EPHA2: variants seen among roughly 807,000 people sequenced by gnomAD.
The protein encoded by EPHA2 is EPH receptor A2, also known as ephrin type-A receptor 2.
In EPHA2, 54 loss-of-function variants were observed where a neutral mutation model predicts 104.9. That is an observed-to-expected ratio of 0.51 (90% CI 0.41 to 0.65). The LOEUF (loss-of-function observed/expected upper bound fraction) is 0.65. EPHA2 is among the 30% of genes least tolerant of loss of function. The pLI is 0.00. For synonymous variants in EPHA2, 560 were observed against 559.1 expected (o/e 1.00, Z -0.02); for missense variants, 1,117 against 1,369.5 (o/e 0.82, Z 2.91).
intron 2 of EPHA2, among the ~76,000 whole-genome samples, chr1:16,149,296 C>A (rs2024994221): frequency 6.6e-6 from 1 of 152,102 alleles, no homozygotes; most frequent in African/African-American, 2.4e-5. Context: ...CAGGTGGAGT[C>A]CGGGACTCCA....
Position 16,148,496 on chromosome 1 carries a change from C to T in EPHA2, c.705G>A (p.Val235=). The change falls in exon 3 of 17, where the codon GTG becomes GTA. Residue 235 remains valine, a synonymous_variant. Coordinates refer to ENST00000358432, the MANE Select transcript of EPHA2 (RefSeq NM_004431.5). This position sits in a 1 kb window ranked among gnomAD's most constrained non-coding sequence, Gnocchi z 4.9. ...GGGGCTCTTCACCCCCCGGTGGCAC[C>T]ACGGCATGGTCCACACAGGTGCCGG... ...TVAGTCVDHA[V]VPPGGEEPRM... is the part of the protein sequence containing the mutation. 6.2e-7 allele frequency: 1 copy of T among 1,613,818 alleles called. No individual in the cohort carries two copies. Among genetic ancestry groups the T allele is most frequent in the Non-Finnish European group, 8.5e-7 (1 of 1,180,020 alleles).
Position 16,139,770 on chromosome 1 carries a change from G to A in EPHA2, c.824-1340C>T, listed in dbSNP as rs560343000. On this transcript the variant is annotated intron_variant, in intron 3 of 16. Transcript: ENST00000358432. ...TTTGTGGGCACAAATGTGGGGAGCA[G>A]CAAGCAATAAAACAGTTGAGAAAGG... Among the ~76,000 whole-genome samples, 92 of 152,208 alleles carry A rather than the reference G, an allele frequency of 6.0e-4. 1 individual carries two copies. The highest frequency in any genetic ancestry group is 1.0e-3 in the Non-Finnish European group (70 of 68,044).
In EPHA2 at chr1:16,130,611, C is replaced by T. The variant is rs962749792; in HGVS notation, c.2476-192G>A. Among the ~76,000 whole-genome samples the T allele has an allele frequency of 6.6e-6, 1 of 151,934 alleles. No homozygotes were observed. Among genetic ancestry groups the T allele is most frequent in the Non-Finnish European group, 1.5e-5 (1 of 67,986 alleles). On this transcript the variant is annotated intron_variant, in intron 14 of 16. Transcript: ENST00000358432. This position sits in a 1 kb window ranked among gnomAD's most constrained non-coding sequence, Gnocchi z 4.5. The stretch of plus-strand genomic sequence containing the variant: ...AGGGCAAATGCCTAAGGGTCTGTGT[C>T]CAGAGTTCACTGGAAGGGACTTTTT...
chr1:16,155,795 C>G, intron 1 of EPHA2, 53 bp downstream of exon 1: 1 of 1,313,460 alleles, frequency 7.6e-7, no homozygotes, highest in South Asian at 1.8e-5. Flanking sequence ...GCGCCGGGCT[C>G]TAGGGGGCAC....
chr1:16,150,330 C>T lies in EPHA2; in HGVS notation c.153+566G>A, dbSNP rs1442322213. ...CACACACAGCCAGGGGAAGAACCCC[C>T]AGCCCCTGCCCCCATTCCTGGTCAC... On this transcript the variant is annotated intron_variant, in intron 2 of 16. Coordinates refer to ENST00000358432, the MANE Select transcript of EPHA2 (RefSeq NM_004431.5). This position sits in a 1 kb window ranked among gnomAD's most constrained non-coding sequence, Gnocchi z 4.8. Among the ~76,000 whole-genome samples, 3 of 152,200 alleles carry T rather than the reference C, an allele frequency of 2.0e-5. No homozygotes were observed. Among genetic ancestry groups the T allele is most frequent in the Non-Finnish European group, 4.4e-5 (3 of 68,032 alleles).
At chr1:16,154,372 CTG>C (rs1358483421) in intron 1 of EPHA2, among the ~76,000 whole-genome samples, 2 of 152,182 alleles carry the variant, frequency 1.3e-5, no homozygotes, top group Non-Finnish European at 2.9e-5. Flanking sequence ...CCCCCAACAC[CTG>C]CCACTGCCCA....
At chr1:16,139,288 C>T (rs1053643114) in intron 3 of EPHA2, among the ~76,000 whole-genome samples, 1 of 152,182 alleles carries the variant, frequency 6.6e-6, no homozygotes. Context: ...GCAGGGCTGT[C>T]CAGGGCTTGG....
chr1:16,125,118 T>C lies in EPHA2; in HGVS notation c.*97A>G. 1 of 1,151,460 alleles carries C rather than the reference T, an allele frequency of 8.7e-7. No homozygotes were observed. The highest frequency in any genetic ancestry group is 1.3e-6 in the Non-Finnish European group (1 of 781,458). The allele number at this position is 1,151,460 out of a possible 1,614,324, so 71.3% of individuals were successfully genotyped here. ...TGCAGGGGGAGGAAAGAACTAGAAA[T>C]AAATAAAGTCCCCAGTGGCCCAGCA... On this transcript the variant is annotated 3_prime_UTR_variant, in exon 17 of 17. Transcript: ENST00000358432. This position sits in a 1 kb window ranked among gnomAD's most constrained non-coding sequence, Gnocchi z 4.9.
At position 16,149,001 on chromosome 1, in the gene EPHA2, T is replaced by C. The variant is rs1384432469; in HGVS notation, c.200A>G (p.Tyr67Cys). The change falls in exon 3 of 17, where the codon TAC becomes TGC. Residue 67 changes from tyrosine (Y) to cysteine (C), a missense_variant. Physicochemically the swap from Tyr to Cys is radical, Grantham distance 194. Around this residue, in one of 3 missense-constraint regions of EPHA2, gnomAD observed 664 missense variants for 784.8 expected, o/e 0.85. Transcript: ENST00000358432. ...NIMNDMPIYMYSVCNVMSGDQ... is the reference protein window; with the variant it reads ...NIMNDMPIYMCSVCNVMSGDQ... Reference sequence around the variant, plus strand: ...GCCAGACATCACGTTGCACACGGAGTACATGTAGATCGGCATGTCATTCAT... The same window carrying C: ...GCCAGACATCACGTTGCACACGGAGCACATGTAGATCGGCATGTCATTCAT... 1 of 1,613,894 alleles carries C rather than the reference T, an allele frequency of 6.2e-7. No homozygotes were observed. Among genetic ancestry groups the C allele is most frequent in the Admixed American group, 1.7e-5 (1 of 60,010 alleles).
At chr1:16,153,244 ACTCCCGGTCTCCGGTCCTT>A in intron 1 of EPHA2, 1 of 984,412 alleles carries the variant, frequency 1.0e-6, no homozygotes, top group Non-Finnish European at 1.2e-6. Context: ...ACTGCCACCC[ACTCCCGGTCTCCGGTCCTT>A]CTCCGCAGCC....
In EPHA2 at chr1:16,148,580, G is replaced by A. The variant is rs2024977473; in HGVS notation, c.621C>T (p.Gly207=). The change falls in exon 3 of 17, where the codon GGC becomes GGT. Residue 207 remains glycine, a synonymous_variant. Coordinates refer to ENST00000358432, the MANE Select transcript of EPHA2 (RefSeq NM_004431.5). This position sits in a 1 kb window ranked among gnomAD's most constrained non-coding sequence, Gnocchi z 4.9. ...CGATGGTCTCAGGGAAGTGGGCCAG[G>A]CCCTGCAGCAGCTCGGGGCACTTCT... ...YYKKCPELLQ[G]LAHFPETIAG... The A allele has an allele frequency of 1.2e-6, 2 of 1,611,540 alleles. No individual in the cohort carries two copies. Among genetic ancestry groups the A allele is most frequent in the South Asian group, 1.1e-5 (1 of 91,086 alleles).
intron 2 of EPHA2, among the ~76,000 whole-genome samples, chr1:16,149,675 G>T (rs898151994): frequency 6.6e-6 from 1 of 152,158 alleles, no homozygotes; most frequent in African/African-American, 2.4e-5. Flanking sequence ...GTTGGGCCAG[G>T]TGCCCCCCGC....
chr1:16,133,549 T>G lies in EPHA2; in HGVS notation c.1796A>C (p.Gln599Pro). Residue 599 changes from glutamine (Q) to proline (P), a missense_variant, in exon 10 of 17, where the codon CAG becomes CCG. By Grantham distance (76) the Gln-to-Pro change is moderately conservative. Around this residue, in one of 3 missense-constraint regions of EPHA2, gnomAD observed 113 missense variants for 104.3 expected, o/e 1.08. Coordinates refer to ENST00000358432, the MANE Select transcript of EPHA2 (RefSeq NM_004431.5). The part of the protein sequence containing the change: ...VDPHTYEDPN[Q>P]AVLKFTTEIH... ...CTCGGTAGTGAACTTCAACACAGCC[T>G]GGTTGGGGTCCTCATATGTGTGGGG... 6.2e-7 allele frequency: 1 copy of G among 1,614,004 alleles called. No individual in the cohort carries two copies. The highest frequency in any genetic ancestry group is 8.5e-7 in the Non-Finnish European group (1 of 1,179,934).
chr1:16,133,340 C>T lies in EPHA2; in HGVS notation c.1893G>A (p.Met631Ile), dbSNP rs1195809981. 2 of 1,613,868 alleles carry T rather than the reference C, an allele frequency of 1.2e-6. No individual in the cohort carries two copies. The highest frequency in any genetic ancestry group is 8.5e-7 in the Non-Finnish European group (1 of 1,179,964). The change falls in exon 11 of 17, where the codon ATG becomes ATA. Residue 631 changes from methionine to isoleucine, a missense_variant. Physicochemically the swap from Met to Ile is conservative, Grantham distance 10. Transcript: ENST00000358432. Reference sequence around the variant, plus strand: ...CCTTCTTCCCCGAGGATGTCTTCAGCATGCCCTTGTACACCTCCCCAAACT... The same window carrying T: ...CCTTCTTCCCCGAGGATGTCTTCAGTATGCCCTTGTACACCTCCCCAAACT... ...AGEFGEVYKG[M>I]LKTSSGKKEV...
intron 9 of EPHA2, 38 bp downstream of exon 9, chr1:16,133,822 C>A (rs755074344): frequency 1.3e-6 from 2 of 1,526,186 alleles, no homozygotes; most frequent in South Asian, 1.2e-5. Context: ...GGGGACGGTG[C>A]GGGCAGGGCT....
intron 3 of EPHA2, among the ~76,000 whole-genome samples, chr1:16,146,644 G>A (rs960821954): frequency 3.3e-5 from 5 of 152,238 alleles, no homozygotes; most frequent in Non-Finnish European, 7.3e-5. Context: ...GGAAGACAAG[G>A]GGGCGATGGC....
In EPHA2 at chr1:16,138,141, C is replaced by T. The variant is rs2024754135; in HGVS notation, c.1024G>A (p.Ala342Thr). 4 of 1,608,934 alleles carry T rather than the reference C, an allele frequency of 2.5e-6. No individual in the cohort carries two copies. Among genetic ancestry groups the T allele is most frequent in the Non-Finnish European group, 3.4e-6 (4 of 1,179,872 alleles). Residue 342 changes from alanine (A) to threonine (T), a missense_variant, in exon 5 of 17, where the codon GCC (alanine) becomes ACC (threonine). Coordinates refer to ENST00000358432, the MANE Select transcript of EPHA2 (RefSeq NM_004431.5). The stretch of plus-strand genomic sequence containing the variant: ...GGCGTCCAGCGCAGCTCCACCTTGG[C>T]ACCCATGCCCACGGCTGTGAGGTAG... ...PHYLTAVGMG[A>T]KVELRWTPPQ...
rs1421773662 is a variant in EPHA2 at position 16,135,220 on chromosome 1, C to T, written c.1429-31G>A. 1 of 1,612,592 alleles carries T rather than the reference C, an allele frequency of 6.2e-7. No individual in the cohort carries two copies. Among genetic ancestry groups the T allele is most frequent in the East Asian group, 2.2e-5 (1 of 44,866 alleles). ...GGTGGGTGGCCGGCGGAGGAGCAGG[C>T]AGTGAGGGCAGGGCAGGGGCCTCGG... On this transcript the variant is annotated intron_variant, in intron 6 of 16. Coordinates refer to ENST00000358432, the MANE Select transcript of EPHA2 (RefSeq NM_004431.5). The surrounding 1 kb of genome is among the most constrained non-coding windows in gnomAD (Gnocchi z 4.3).
rs141594918 is a variant in EPHA2 at position 16,132,393 on chromosome 1, C to T, written c.2100G>A (p.Leu700=). 1.6e-4 allele frequency: 259 copies of T among 1,614,166 alleles called. No homozygotes were observed. The African/African-American group carries it at 3.1e-3, about 20-fold the overall frequency. ...ACATCCTTACCCGAAGGAACTTGTC[C>T]AGGGCCCCATTCTCCATGTACTCAG... The part of the protein sequence containing the change: ...IITEYMENGA[L]DKFLREKDGE... Residue 700 remains leucine (L), a synonymous_variant, in exon 12 of 17, where the codon CTG becomes CTA. Coordinates refer to ENST00000358432, the MANE Select transcript of EPHA2 (RefSeq NM_004431.5).
Sources: gnomAD v4.1 joint callset for allele counts (sites outside exome capture counted in the v4.1 genomes callset) on GRCh38, gnomAD v4.1.1 for gene constraint, gnomAD v4.1.1 regional missense constraint, Gnocchi (gnomAD v3.1) non-coding constraint, MANE v1.5 for transcripts, NCBI Gene and HGNC (gene_info 2026-07-23, HGNC 2026-07-21) for gene names.